SPPL3: variants seen among roughly 807,000 people sequenced by gnomAD.
SPPL3 encodes the protein signal peptide peptidase like 3, also known as signal peptide peptidase-like 3.
In SPPL3, 5 loss-of-function variants were observed where a neutral mutation model predicts 42.4. The ratio of observed to expected loss-of-function variants is 0.12; its 90% CI spans 0.06 to 0.25. The LOEUF (loss-of-function observed/expected upper bound fraction) is 0.25. Among genes scored for constraint, SPPL3 ranks in the 10% least tolerant of loss-of-function variants. The pLI is 1.00. For synonymous variants in SPPL3, 195 were observed against 181.8 expected (o/e 1.07, Z -0.58); for missense variants, 235 against 489.0 (o/e 0.48, Z 4.90).
chr12:120,860,333 T>C (rs570665736), intron 1 of SPPL3, among the ~76,000 whole-genome samples: 15 of 152,318 alleles, frequency 9.8e-5, no homozygotes, highest in Admixed American at 7.8e-4. Flanking sequence ...TCATCGCCTA[T>C]ACAGCATACT....
intron 1 of SPPL3, among the ~76,000 whole-genome samples, chr12:120,888,426 A>G (rs1873531909): frequency 6.6e-6 from 1 of 152,184 alleles, no homozygotes; most frequent in African/African-American, 2.4e-5. Context: ...ATGCCTGTCA[A>G]CTAATGAGTG....
chr12:120,783,715 C>A lies in SPPL3; in HGVS notation c.348G>T (p.Pro116=). 6.2e-7 allele frequency: 1 copy of A among 1,613,128 alleles called. No homozygotes were observed. Reference sequence around the variant, plus strand: ...AGGGTCTTGTTAAATACTGGCACATCGGGAGGAGAAGAAAAGCAAAAGCTA... The same window carrying A: ...AGGGTCTTGTTAAATACTGGCACATAGGGAGGAGAAGAAAAGCAAAAGCTA... ...ATIAFAFLLL[P]MCQYLTRPCS... The change falls in exon 5 of 11, where the codon CCG becomes CCT. Residue 116 remains proline, a synonymous_variant. Transcript: ENST00000353487.
At chr12:120,815,365 A>C (rs988421444) in intron 1 of SPPL3, among the ~76,000 whole-genome samples, 1 of 152,218 alleles carries the variant, frequency 6.6e-6, no homozygotes, top group African/African-American at 2.4e-5. Context: ...TTGTAATTAA[A>C]ATTTAAAAAT....
intron 2 of SPPL3, among the ~76,000 whole-genome samples, chr12:120,808,493 T>C (rs938636407): frequency 5.8e-4 from 89 of 152,204 alleles, no homozygotes; most frequent in African/African-American, 2.1e-3. Context: ...TAAAATGATA[T>C]AGCCCTTCAG....
chr12:120,766,096 GCGCGCA>G (rs972865780), intron 10 of SPPL3, among the ~76,000 whole-genome samples, 161 bp downstream of exon 10: 2 of 90,806 alleles, frequency 2.2e-5, no homozygotes, highest in African/African-American at 1.0e-4. Flanking sequence ...GGTAGCGCGC[GCGCGCA>G]CACACACACA....
chr12:120,801,296 CTT>C (rs1491128654), intron 2 of SPPL3, among the ~76,000 whole-genome samples: 1 of 152,112 alleles, frequency 6.6e-6, no homozygotes, highest in Non-Finnish European at 1.5e-5. Flanking sequence ...TGGGCCTCCT[CTT>C]CTCTCTCTCT....
intron 1 of SPPL3, among the ~76,000 whole-genome samples, chr12:120,848,616 C>T (rs1038298318): frequency 8.5e-5 from 13 of 152,256 alleles, no homozygotes; most frequent in Admixed American, 2.6e-4. Flanking sequence ...TGCATATTTT[C>T]GATGGACTTA....
rs1592953124 is a variant in SPPL3 at position 120,769,343 on chromosome 12, C to CT, written c.503-285_503-284insA. 9.4e-6 allele frequency: 3 copies of CT among 317,884 alleles called. No individual in the cohort carries two copies. The East Asian group carries it at 1.9e-4, about 20-fold the overall frequency. 19.7% of individuals were successfully genotyped at this position (317,884 alleles called of 1,614,324 possible). The stretch of plus-strand genomic sequence containing the variant: ...AAGACCTCCAAGCTCTCTTTTCCTG[C>CT]CTTCCCTCCAATGTTGTGGATGTGT... On this transcript the variant is annotated intron_variant, in intron 6 of 10. Transcript: ENST00000353487.
rs184352279 is a variant in SPPL3 at position 120,815,816 on chromosome 12, T to A, written c.24-4930A>T. ...ATCTCGGCTCACTGCAACCTCCGCC[T>A]CCTGGGTTCAAGCAAAATTCTCCTG... On this transcript the variant is annotated intron_variant, in intron 1 of 10. Coordinates refer to ENST00000353487, the MANE Select transcript of SPPL3 (RefSeq NM_139015.5). Among the ~76,000 whole-genome samples the A allele has an allele frequency of 5.3e-5, 8 of 152,108 alleles. No homozygotes were observed. The East Asian group carries it at 1.5e-3, about 29-fold the overall frequency.
intron 1 of SPPL3, among the ~76,000 whole-genome samples, chr12:120,830,762 A>G (rs1363579654): frequency 1.3e-5 from 2 of 151,928 alleles, no homozygotes; most frequent in Non-Finnish European, 2.9e-5. Flanking sequence ...TTTCACTTAG[A>G]AGTCCTATCA....
intron 1 of SPPL3, chr12:120,901,762 G>T: frequency 2.5e-6 from 1 of 399,378 alleles, no homozygotes; most frequent in African/African-American, 2.2e-5. Flanking sequence ...AAACAGAGCT[G>T]ACATTGAAGG....
rs148818068 is a variant in SPPL3, at chr12:120,796,113, C to G, written c.102-4556G>C. Among the ~76,000 whole-genome samples the G allele has an allele frequency of 6.7e-4, 102 of 152,224 alleles. No homozygotes were observed. In the East Asian group the frequency reaches 0.016, roughly 24 times the overall value. ...CATGTTGGCCAGGCACAGTGGTTCA[C>G]GACTGTGATCCCAGCACTTTGGGAG... On this transcript the variant is annotated intron_variant, in intron 2 of 10. Coordinates refer to ENST00000353487, the MANE Select transcript of SPPL3 (RefSeq NM_139015.5).
intron 8 of SPPL3, 121 bp from the exon 9 acceptor site, chr12:120,767,714 T>C (rs1868963525): frequency 1.0e-6 from 1 of 958,412 alleles, no homozygotes; most frequent in Admixed American, 2.4e-5. Flanking sequence ...CAGATGGAAA[T>C]CTCTTCTGAT....
At chr12:120,817,279 A>G (rs920264085) in intron 1 of SPPL3, among the ~76,000 whole-genome samples, 2 of 152,144 alleles carry the variant, frequency 1.3e-5, no homozygotes, top group African/African-American at 4.8e-5. Flanking sequence ...TGGGTGACAG[A>G]GCGAGACCCT....
At chr12:120,791,384 C>A in intron 3 of SPPL3, 85 bp downstream of exon 3, 2 of 886,308 alleles carry the variant, frequency 2.3e-6, no homozygotes, top group Non-Finnish European at 3.5e-6. Flanking sequence ...ATCCTTGAAC[C>A]CAGTAAATTA....
At chr12:120,814,292 C>G (rs1316329782) in intron 1 of SPPL3, among the ~76,000 whole-genome samples, 1 of 152,086 alleles carries the variant, frequency 6.6e-6, no homozygotes, top group Non-Finnish European at 1.5e-5. Context: ...CTACCTTTTC[C>G]TAAATTTCAG....
intron 2 of SPPL3, among the ~76,000 whole-genome samples, chr12:120,800,030 T>C (rs771530120): frequency 1.3e-5 from 2 of 152,254 alleles, no homozygotes; most frequent in Non-Finnish European, 2.9e-5. Context: ...GATTGCTAGG[T>C]TGGACCTAGA....
intron 1 of SPPL3, among the ~76,000 whole-genome samples, chr12:120,856,386 G>A (rs1872457468): frequency 6.6e-6 from 1 of 151,828 alleles, no homozygotes. Context: ...CAGCAGCGCA[G>A]CAAGCCTAGA....
At chr12:120,790,786 T>A (rs1019016172) in intron 3 of SPPL3, among the ~76,000 whole-genome samples, 1 of 151,804 alleles carries the variant, frequency 6.6e-6, no homozygotes, top group East Asian at 1.9e-4. Flanking sequence ...TTGCCCCATA[T>A]ATAGGAGGTG....
Sources: allele counts gnomAD v4.1 joint callset (sites outside exome capture counted in the v4.1 genomes callset), GRCh38; gene constraint gnomAD v4.1.1; transcripts MANE v1.5; gene names NCBI Gene and HGNC (gene_info 2026-07-23, HGNC 2026-07-21).